ISY1: variants seen among roughly 807,000 people sequenced by gnomAD.
ISY1 encodes the protein ISY1 spliceosome associated protein, also known as pre-mRNA-splicing factor ISY1 homolog.
ISY1 carries 12 observed loss-of-function variants against 54.4 expected under a neutral mutation model. That is an observed-to-expected ratio of 0.22 (90% CI 0.14 to 0.36). The LOEUF is 0.36. Among genes scored for constraint, ISY1 ranks in the 10% least tolerant of loss-of-function variants. The pLI, the probability that ISY1 is intolerant of heterozygous loss-of-function variation, is 1.00. For synonymous variants in ISY1, 96 were observed against 117.9 expected (o/e 0.81, Z 1.20); for missense variants, 282 against 342.2 (o/e 0.82, Z 1.39).
rs1170120994 is a variant in ISY1, at chr3:129,127,718, C to G, written c.*2363G>C. On this transcript the variant is annotated 3_prime_UTR_variant, in exon 11 of 11. Coordinates refer to ENST00000393295, the MANE Select transcript of ISY1 (RefSeq NM_020701.4). Reference sequence around the variant, plus strand: ...TCAAATGTGGAATTCTAATCCCTGGCCAGTTTGCATCCCGGGGATCCCTGA... The same window carrying G: ...TCAAATGTGGAATTCTAATCCCTGGGCAGTTTGCATCCCGGGGATCCCTGA... The G allele has an allele frequency of 6.6e-6, 1 of 152,398 alleles. No homozygotes were observed. The highest frequency in any genetic ancestry group is 1.5e-5 in the Non-Finnish European group (1 of 68,154). The allele number at this position is 152,398 out of a possible 1,614,324, so 9.4% of individuals were successfully genotyped here. A position where few individuals can be genotyped will look rare whatever the true frequency, so the allele number is the denominator to read the frequency against.
intron 5 of ISY1, among the ~76,000 whole-genome samples, chr3:129,156,108 C>G (rs762232992): frequency 9.9e-5 from 15 of 151,966 alleles, no homozygotes; most frequent in Non-Finnish European, 5.9e-5. Context: ...TAAAAAAGAC[C>G]ATGTATTAGG....
chr3:129,130,731 G>GA (rs1035971895), intron 9 of ISY1, 95 bp from the exon 10 acceptor site: 2,294 of 1,296,738 alleles, frequency 1.8e-3, no homozygotes, highest in South Asian at 2.3e-3. Flanking sequence ...CTATTTAAAA[G>GA]AAAAAAAAAC....
chr3:129,160,918 G>GGCCCGGGGGGGGGGGCCCCCCC, intron 1 of ISY1, 55 bp downstream of exon 1: 1 of 666,128 alleles, frequency 1.5e-6, no homozygotes. Flanking sequence ...TGGACTGGGC[G>GGCCCGGGGGGGGGGGCCCCCCC]CCCCCCCGCC....
intron 7 of ISY1, among the ~76,000 whole-genome samples, chr3:129,139,767 T>C (rs539297831): frequency 6.6e-6 from 1 of 152,098 alleles, no homozygotes; most frequent in South Asian, 2.1e-4. Context: ...CTCAGTCTCC[T>C]GAGTAGCTGG....
At chr3:129,134,321 T>G in intron 8 of ISY1, 126 bp from the exon 9 acceptor site, 1 of 1,518,524 alleles carries the variant, frequency 6.6e-7, no homozygotes, top group East Asian at 2.3e-5. Context: ...CACCCTTCAT[T>G]CTGCCCCCGT....
chr3:129,160,233 A>G (rs1209759429), intron 1 of ISY1, among the ~76,000 whole-genome samples: 1 of 152,006 alleles, frequency 6.6e-6, no homozygotes, highest in Non-Finnish European at 1.5e-5. Context: ...CTTCCAATAT[A>G]TCTCTTATAA....
At chr3:129,134,289 A>G (rs1576870547) in intron 8 of ISY1, 94 bp from the exon 9 acceptor site, 1 of 1,578,000 alleles carries the variant, frequency 6.3e-7, no homozygotes, top group East Asian at 2.2e-5. Context: ...GGGAAAGTCT[A>G]GACATCCCCT....
At chr3:129,159,283 C>G (rs1232848944) in intron 1 of ISY1, 107 bp from the exon 2 acceptor site, 5 of 1,416,282 alleles carry the variant, frequency 3.5e-6, no homozygotes, top group Non-Finnish European at 4.8e-6. Context: ...CACAAGCAAA[C>G]CACTTGAAGT....
chr3:129,156,774 T>C, intron 4 of ISY1, 81 bp downstream of exon 4: 1 of 1,563,640 alleles, frequency 6.4e-7, no homozygotes, highest in Non-Finnish European at 8.7e-7. Context: ...ACTTAGACTT[T>C]TGGTCTAACA....
At chr3:129,133,547 A>G (rs1309868910) in intron 9 of ISY1, among the ~76,000 whole-genome samples, 1 of 152,206 alleles carries the variant, frequency 6.6e-6, no homozygotes, top group Non-Finnish European at 1.5e-5. Flanking sequence ...TACAAAAATT[A>G]GCCATGCGTG....
intron 3 of ISY1, among the ~76,000 whole-genome samples, chr3:129,157,549 T>C (rs1937178008): frequency 6.6e-6 from 1 of 151,812 alleles, no homozygotes; most frequent in Admixed American, 6.6e-5. Context: ...TGAAACCCCA[T>C]CTCTACTAAA....
intron 5 of ISY1, 71 bp from the exon 6 acceptor site, chr3:129,145,944 G>T: frequency 7.0e-7 from 1 of 1,434,524 alleles, no homozygotes; most frequent in Non-Finnish European, 9.7e-7. Flanking sequence ...CGTACACTTA[G>T]TATCATATCC....
intron 5 of ISY1, among the ~76,000 whole-genome samples, chr3:129,154,879 G>C (rs977737800): frequency 1.2e-4 from 18 of 151,580 alleles, no homozygotes; most frequent in Non-Finnish European, 1.9e-4. Context: ...TAGTAAAGAC[G>C]GGGTTTCACC....
At chr3:129,154,340 C>A (rs938759513) in intron 5 of ISY1, among the ~76,000 whole-genome samples, 2 of 146,256 alleles carry the variant, frequency 1.4e-5, no homozygotes, top group South Asian at 2.2e-4. Context: ...TGCTTGAACC[C>A]AGGGAGGTGA....
intron 7 of ISY1, among the ~76,000 whole-genome samples, chr3:129,135,498 A>G (rs1019657070): frequency 2.6e-5 from 4 of 151,638 alleles, no homozygotes; most frequent in Admixed American, 6.6e-5. Context: ...GGGTGCGGTG[A>G]CTCATGCCTG....
At chr3:129,147,172 C>A (rs945760506) in intron 5 of ISY1, among the ~76,000 whole-genome samples, 1 of 151,996 alleles carries the variant, frequency 6.6e-6, no homozygotes, top group East Asian at 1.9e-4. Context: ...GTCAGGAGTT[C>A]GAGACCAGCC....
intron 5 of ISY1, among the ~76,000 whole-genome samples, chr3:129,154,588 T>C (rs1937078531): frequency 1.3e-5 from 2 of 152,108 alleles, no homozygotes; most frequent in Non-Finnish European, 2.9e-5. Flanking sequence ...CCTTTTAATG[T>C]ATATAGATTC....
At chr3:129,151,170 A>AAAATATATAT in intron 5 of ISY1, among the ~76,000 whole-genome samples, 1 of 147,678 alleles carries the variant, frequency 6.8e-6, no homozygotes, top group Non-Finnish European at 1.5e-5. Context: ...TAAATATATA[A>AAAATATATAT]AAATATATAT....
chr3:129,136,944 G>C (rs1382539909), intron 7 of ISY1, among the ~76,000 whole-genome samples: 2 of 150,008 alleles, frequency 1.3e-5, no homozygotes, highest in Admixed American at 1.3e-4. Flanking sequence ...GCCCAGGCTG[G>C]AGTGCAATGG....
Sources: allele counts gnomAD v4.1 joint callset (sites outside exome capture counted in the v4.1 genomes callset), GRCh38; gene constraint gnomAD v4.1.1; transcripts MANE v1.5; gene names NCBI Gene and HGNC (gene_info 2026-07-23, HGNC 2026-07-21).